The following ADAM19 variants were observed in gnomAD, a reference collection of about 807,000 sequenced individuals.
ADAM19 encodes the protein disintegrin and metalloproteinase domain-containing protein 19.
ADAM19 carries 65 observed loss-of-function variants against 114.7 expected under a neutral mutation model. That is an observed-to-expected ratio of 0.57 (90% CI 0.46 to 0.70). The LOEUF is 0.70. Among genes scored for constraint, ADAM19 ranks in the 30% least tolerant of loss-of-function variants. The probability of loss-of-function intolerance (pLI) is 0.00; values close to 1 mark genes in which losing one functional copy is unlikely to be tolerated. For synonymous variants in ADAM19, 466 were observed against 460.5 expected (o/e 1.01, Z -0.15); for missense variants, 1,063 against 1,204.7 (o/e 0.88, Z 1.74).
At chr5:157,488,155 C>T in intron 21 of ADAM19, 110 bp downstream of exon 21, 3 of 1,094,868 alleles carry the variant, frequency 2.7e-6, no homozygotes, top group East Asian at 2.4e-5. Flanking sequence ...GCAGAAAAGG[C>T]AGTCAGCTCA....
At chr5:157,521,867 C>T (rs1376599400) in intron 5 of ADAM19, among the ~76,000 whole-genome samples, 1 of 152,232 alleles carries the variant, frequency 6.6e-6, no homozygotes. Context: ...AACGGCTACA[C>T]ACTTTGGGAA....
chr5:157,538,101 T>C (rs1756814741), intron 3 of ADAM19, 110 bp from the exon 4 acceptor site: 1 of 782,712 alleles, frequency 1.3e-6, no homozygotes, highest in East Asian at 2.7e-5. Context: ...AGCATCTCCA[T>C]ACAAAAGAAA....
intron 3 of ADAM19, among the ~76,000 whole-genome samples, chr5:157,543,134 A>AC (rs1161098739): frequency 2.6e-5 from 4 of 152,134 alleles, no homozygotes; most frequent in Non-Finnish European, 5.9e-5. Flanking sequence ...AAATACACAC[A>AC]CACCGCCACA....
chr5:157,538,065 T>C, intron 3 of ADAM19, 74 bp from the exon 4 acceptor site: 1 of 1,255,604 alleles, frequency 8.0e-7, no homozygotes, highest in East Asian at 2.3e-5. Flanking sequence ...CGAGTGATTT[T>C]AACTGAACCA....
At chr5:157,507,640 C>T (rs1480384843) in intron 9 of ADAM19, among the ~76,000 whole-genome samples, 4 of 152,178 alleles carry the variant, frequency 2.6e-5, no homozygotes, top group East Asian at 3.9e-4. Context: ...GCCGATGATG[C>T]TTCATTCCCA....
chr5:157,487,723 C>A (rs377308317), intron 21 of ADAM19, among the ~76,000 whole-genome samples: 1 of 152,162 alleles, frequency 6.6e-6, no homozygotes, highest in South Asian at 2.1e-4. Flanking sequence ...TTGGGATGGG[C>A]AAGGCATCAG....
chr5:157,536,560 G>A (rs188620381), intron 4 of ADAM19, among the ~76,000 whole-genome samples: 32 of 152,200 alleles, frequency 2.1e-4, no homozygotes, highest in Admixed American at 1.2e-3. Context: ...CCCAAGAGGC[G>A]GAGGTTGCAG....
At chr5:157,509,757 C>T (rs1031887420) in intron 8 of ADAM19, among the ~76,000 whole-genome samples, 24 of 152,080 alleles carry the variant, frequency 1.6e-4, no homozygotes, top group Non-Finnish European at 2.4e-4. Flanking sequence ...GGCAGAACTG[C>T]AGTGACTTTG....
At chr5:157,491,964 G>C in intron 16 of ADAM19, 52 bp from the exon 17 acceptor site, 1 of 1,586,492 alleles carries the variant, frequency 6.3e-7, no homozygotes, top group Non-Finnish European at 8.6e-7. Flanking sequence ...ATGCTGGTTG[G>C]GAGTTAGGAG....
chr5:157,556,622 C>T (rs549076182), intron 3 of ADAM19, among the ~76,000 whole-genome samples: 101 of 152,256 alleles, frequency 6.6e-4, no homozygotes, highest in African/African-American at 2.2e-3. Flanking sequence ...TTCAGCCTTC[C>T]ACACCCTGCA....
intron 12 of ADAM19, among the ~76,000 whole-genome samples, chr5:157,500,856 T>C (rs1049979320): frequency 1.3e-5 from 2 of 152,182 alleles, no homozygotes; most frequent in East Asian, 1.9e-4. Context: ...CAGCCATTGA[T>C]GAAAAGTGTA....
chr5:157,553,644 C>A (rs778090395), intron 3 of ADAM19, among the ~76,000 whole-genome samples: 212 of 152,274 alleles, frequency 1.4e-3, no homozygotes, highest in African/African-American at 4.6e-3. Context: ...GGTATCAGTG[C>A]TACAGAAATA....
intron 6 of ADAM19, 60 bp downstream of exon 6, chr5:157,519,779 C>T (rs758488039): frequency 4.1e-6 from 6 of 1,478,888 alleles, no homozygotes; most frequent in African/African-American, 1.4e-5. Context: ...AAGTAAGCAA[C>T]CTCAGAGGGG....
At chr5:157,568,619 T>C (rs1757735283) in intron 2 of ADAM19, 1 of 152,120 alleles carries the variant, frequency 6.6e-6, no homozygotes, top group Admixed American at 6.5e-5. Flanking sequence ...CATAGGGTAT[T>C]GGAAATCTGT....
chr5:157,496,776 A>G, intron 14 of ADAM19, 118 bp downstream of exon 14: 2 of 831,688 alleles, frequency 2.4e-6, no homozygotes, highest in Non-Finnish European at 1.8e-6. Flanking sequence ...AGGGGATGAA[A>G]GAGGTAGTAT....
chr5:157,557,128 G>A (rs570533050), intron 3 of ADAM19, among the ~76,000 whole-genome samples: 4 of 152,154 alleles, frequency 2.6e-5, no homozygotes, highest in Admixed American at 6.5e-5. Flanking sequence ...GGCTGGTCTC[G>A]AACTCCTGGG....
intron 2 of ADAM19, among the ~76,000 whole-genome samples, chr5:157,565,207 G>C (rs6878446): frequency 6.6e-6 from 1 of 151,774 alleles, no homozygotes; most frequent in African/African-American, 2.4e-5. Context: ...AACTATGTTC[G>C]ACATCGCTAA....
At chr5:157,556,604 G>A (rs1335921523) in intron 3 of ADAM19, among the ~76,000 whole-genome samples, 1 of 152,044 alleles carries the variant, frequency 6.6e-6, no homozygotes, top group Admixed American at 6.6e-5. Flanking sequence ...AGGGGAGAGG[G>A]TGCATTTTTC....
chr5:157,505,322 G>A (rs1299246770), intron 11 of ADAM19, among the ~76,000 whole-genome samples: 1 of 152,006 alleles, frequency 6.6e-6, no homozygotes, highest in Non-Finnish European at 1.5e-5. Context: ...ACTCTCTTGG[G>A]ATAGAAGAAT....
Sources: gnomAD v4.1 joint callset for allele counts (sites outside exome capture counted in the v4.1 genomes callset) on GRCh38, gnomAD v4.1.1 for gene constraint, MANE v1.5 for transcripts, NCBI Gene and HGNC (gene_info 2026-07-23, HGNC 2026-07-21) for gene names.